IGSF11: variants seen among roughly 807,000 people sequenced by gnomAD.
IGSF11 encodes CXADR like 1.
A neutral mutation model predicts 41.0 loss-of-function variants in IGSF11; 22 were observed. The observed-to-expected ratio is 0.54, with a 90% CI of 0.38 to 0.77. The LOEUF (loss-of-function observed/expected upper bound fraction) is 0.77. Among genes scored for constraint, IGSF11 ranks in the 30% least tolerant of loss-of-function variants. The pLI is 0.00. For synonymous variants in IGSF11, 219 were observed against 201.3 expected (o/e 1.09, Z -0.74); for missense variants, 444 against 530.8 (o/e 0.84, Z 1.61).
intron 1 of IGSF11, among the ~76,000 whole-genome samples, chr3:118,964,077 T>TC (rs1228587878): frequency 1.2e-4 from 18 of 152,206 alleles, no homozygotes; most frequent in African/African-American, 4.3e-4. Context: ...CATCTACCCA[T>TC]CCCCACCCCC....
At chr3:119,086,506 G>A (rs141125557) in intron 1 of IGSF11, among the ~76,000 whole-genome samples, 77 of 152,040 alleles carry the variant, frequency 5.1e-4, no homozygotes, top group African/African-American at 1.8e-3. Flanking sequence ...AAATCTTAAA[G>A]GTAGCTAAAG....
At chr3:119,032,415 T>C (rs2107736368) in intron 1 of IGSF11, among the ~76,000 whole-genome samples, 1 of 152,310 alleles carries the variant, frequency 6.6e-6, no homozygotes, top group Non-Finnish European at 1.5e-5. Context: ...GTGCTAACTG[T>C]TCATCCTCTT....
intron 1 of IGSF11, among the ~76,000 whole-genome samples, chr3:119,025,346 C>T (rs1576675997): frequency 6.6e-6 from 1 of 152,100 alleles, no homozygotes; most frequent in Non-Finnish European, 1.5e-5. Context: ...TGGAGAATTA[C>T]ATGATATGCC....
At chr3:119,066,822 A>G (rs1942247564) in intron 1 of IGSF11, among the ~76,000 whole-genome samples, 1 of 152,164 alleles carries the variant, frequency 6.6e-6, no homozygotes, top group Non-Finnish European at 1.5e-5. Flanking sequence ...GTTCTGCTGT[A>G]TCCATAAAAC....
At chr3:118,972,929 T>C (rs1454986189) in intron 1 of IGSF11, among the ~76,000 whole-genome samples, 1 of 152,204 alleles carries the variant, frequency 6.6e-6, no homozygotes, top group Non-Finnish European at 1.5e-5. Flanking sequence ...TGCCAGAACC[T>C]GGGTAAATTC....
At chr3:119,053,361 A>C (rs1941701799) in intron 1 of IGSF11, among the ~76,000 whole-genome samples, 1 of 152,196 alleles carries the variant, frequency 6.6e-6, no homozygotes, top group Non-Finnish European at 1.5e-5. Flanking sequence ...ACTGCTACAC[A>C]CCAACAGCGA....
At chr3:119,066,458 TTC>T (rs1279511173) in intron 1 of IGSF11, among the ~76,000 whole-genome samples, 4 of 152,242 alleles carry the variant, frequency 2.6e-5, no homozygotes, top group South Asian at 2.1e-4. Flanking sequence ...CAACTCTATC[TTC>T]TCTCTGGATC....
chr3:119,038,066 G>A (rs1940980558), upstream of IGSF11, among the ~76,000 whole-genome samples: 1 of 152,086 alleles, frequency 6.6e-6, no homozygotes, highest in Non-Finnish European at 1.5e-5. Context: ...CCAGCATATA[G>A]TCTAGAGCAC....
chr3:118,938,460 T>C (rs2107551591), intron 1 of IGSF11, among the ~76,000 whole-genome samples: 1 of 152,320 alleles, frequency 6.6e-6, no homozygotes, highest in South Asian at 2.1e-4. Flanking sequence ...CTGTGGGCAT[T>C]TATGTTTGCA....
chr3:118,905,870 A>G (rs1939531728), intron 4 of IGSF11, 152 bp from the exon 5 acceptor site: 1 of 791,200 alleles, frequency 1.3e-6, no homozygotes, highest in African/African-American at 1.7e-5. Context: ...TTGGTTCATG[A>G]ATGTTAAAGA....
intron 3 of IGSF11, among the ~76,000 whole-genome samples, chr3:118,927,352 G>A (rs931139938): frequency 6.6e-6 from 1 of 152,018 alleles, no homozygotes; most frequent in African/African-American, 2.4e-5. Flanking sequence ...AAATAAGGTT[G>A]GATAATATGG....
At chr3:118,955,131 G>T (rs1944854016) in intron 1 of IGSF11, among the ~76,000 whole-genome samples, 1 of 151,948 alleles carries the variant, frequency 6.6e-6, no homozygotes, top group Non-Finnish European at 1.5e-5. Context: ...AGCACAATTT[G>T]CAATTGCAAA....
At chr3:118,962,789 C>T (rs148300988) in intron 1 of IGSF11, among the ~76,000 whole-genome samples, 1,586 of 151,890 alleles carry the variant, frequency 0.01, 16 homozygotes, top group Non-Finnish European at 0.018. Context: ...GGAAGCAGAA[C>T]TAGAGAATGA....
At chr3:118,932,902 C>G (rs1372239341) in intron 1 of IGSF11, among the ~76,000 whole-genome samples, 1 of 152,194 alleles carries the variant, frequency 6.6e-6, no homozygotes, top group Non-Finnish European at 1.5e-5. Context: ...AAGCTTAACT[C>G]AAACAATCTT....
intron 4 of IGSF11, among the ~76,000 whole-genome samples, chr3:118,908,848 T>C (rs983271040): frequency 4.6e-5 from 7 of 152,364 alleles, no homozygotes; most frequent in African/African-American, 1.4e-4. Context: ...GCTAAGAGCA[T>C]GTTCCAGTTA....
At chr3:118,985,869 A>G (rs1935202133) in intron 1 of IGSF11, among the ~76,000 whole-genome samples, 1 of 152,056 alleles carries the variant, frequency 6.6e-6, no homozygotes, top group Non-Finnish European at 1.5e-5. Context: ...CACCAGAGTG[A>G]TTCTTAAAAA....
At chr3:119,066,990 A>T (rs2107461055) in intron 1 of IGSF11, among the ~76,000 whole-genome samples, 2 of 152,328 alleles carry the variant, frequency 1.3e-5, no homozygotes, top group Middle Eastern at 3.4e-3. Flanking sequence ...ACAGTTATTT[A>T]AATTTATTGT....
chr3:118,957,849 T>C (rs1186508410), intron 1 of IGSF11, among the ~76,000 whole-genome samples: 1 of 152,204 alleles, frequency 6.6e-6, no homozygotes, highest in African/African-American at 2.4e-5. Context: ...TGACCAAGGA[T>C]AAAATAACTA....
chr3:119,004,644 G>A (rs1249933182), intron 1 of IGSF11, among the ~76,000 whole-genome samples: 1 of 148,052 alleles, frequency 6.8e-6, no homozygotes, highest in Non-Finnish European at 1.5e-5. Flanking sequence ...ATGTGTCCCA[G>A]AGATTCTGGT....
Sources: gnomAD v4.1 joint callset for allele counts (sites outside exome capture counted in the v4.1 genomes callset) on GRCh38, gnomAD v4.1.1 for gene constraint, MANE v1.5 for transcripts, NCBI Gene and HGNC (gene_info 2026-07-23, HGNC 2026-07-21) for gene names.